The following RIT2 variants were observed in gnomAD, a reference collection of about 807,000 sequenced individuals.
RIT2 encodes Ras like without CAAX 2.
RIT2 carries 24 observed loss-of-function variants against 23.7 expected under a neutral mutation model. That is an observed-to-expected ratio of 1.01 (90% CI 0.73 to 1.43). The LOEUF is 1.43. RIT2 is among the 40% of genes most tolerant of loss of function. The probability of loss-of-function intolerance (pLI) is 0.00; values close to 1 mark genes in which losing one functional copy is unlikely to be tolerated. For synonymous variants in RIT2, 107 were observed against 91.1 expected (o/e 1.17, Z -0.99); for missense variants, 236 against 266.9 (o/e 0.88, Z 0.81).
chr18:42,809,241 G>A (rs1395292900), intron 4 of RIT2, among the ~76,000 whole-genome samples: 1 of 152,078 alleles, frequency 6.6e-6, no homozygotes, highest in Non-Finnish European at 1.5e-5. Context: ...GCCCTATTCA[G>A]ATTAAAAAAT....
At chr18:42,932,736 A>T (rs746085251) in intron 3 of RIT2, among the ~76,000 whole-genome samples, 1 of 152,178 alleles carries the variant, frequency 6.6e-6, no homozygotes, top group Non-Finnish European at 1.5e-5. Flanking sequence ...TAATTAAAAT[A>T]CTGCCAGCTC....
chr18:42,785,562 G>A (rs1355671493), intron 4 of RIT2, among the ~76,000 whole-genome samples: 1 of 151,720 alleles, frequency 6.6e-6, no homozygotes, highest in Non-Finnish European at 1.5e-5. Context: ...GTAAAATAAG[G>A]TAACTGAGAG....
intron 4 of RIT2, among the ~76,000 whole-genome samples, chr18:42,774,323 AG>A (rs1351394181): frequency 6.6e-6 from 1 of 152,130 alleles, no homozygotes; most frequent in Non-Finnish European, 1.5e-5. Context: ...TTTTTCAGAC[AG>A]GACCTAGCAA....
At chr18:42,910,750 A>T (rs1047767906) in intron 4 of RIT2, among the ~76,000 whole-genome samples, 12 of 152,144 alleles carry the variant, frequency 7.9e-5, no homozygotes, top group Admixed American at 3.3e-4. Flanking sequence ...CCAGTGGATT[A>T]ATTTGCCAAG....
chr18:42,875,615 T>A (rs369650337), intron 4 of RIT2, among the ~76,000 whole-genome samples: 5 of 152,008 alleles, frequency 3.3e-5, no homozygotes, highest in Non-Finnish European at 7.4e-5. Flanking sequence ...TAAAAGCATG[T>A]TTTAGGAGTT....
chr18:42,857,533 A>T (rs1212029427), intron 4 of RIT2, among the ~76,000 whole-genome samples: 1 of 152,214 alleles, frequency 6.6e-6, no homozygotes, highest in African/African-American at 2.4e-5. Flanking sequence ...ATTACTAAAA[A>T]TACCTTATTA....
At chr18:42,780,251 T>C (rs981712979) in intron 4 of RIT2, among the ~76,000 whole-genome samples, 3 of 152,070 alleles carry the variant, frequency 2.0e-5, no homozygotes, top group East Asian at 3.9e-4. Flanking sequence ...GCAGGACATC[T>C]GGAAGCAGGG....
At chr18:42,828,460 G>A (rs186995426) in intron 4 of RIT2, among the ~76,000 whole-genome samples, 1 of 152,272 alleles carries the variant, frequency 6.6e-6, no homozygotes, top group East Asian at 1.9e-4. Context: ...ATAATGCAAG[G>A]CTATTATTTA....
At chr18:43,029,833 G>C (rs1038201165) in intron 2 of RIT2, among the ~76,000 whole-genome samples, 1 of 151,984 alleles carries the variant, frequency 6.6e-6, no homozygotes, top group African/African-American at 2.4e-5. Flanking sequence ...AATTTTTCAT[G>C]AAAATTTTCT....
chr18:43,096,025 G>GA (rs898742177), intron 1 of RIT2, among the ~76,000 whole-genome samples: 22 of 151,526 alleles, frequency 1.5e-4, no homozygotes, highest in African/African-American at 5.1e-4. Flanking sequence ...ATAATTAGAA[G>GA]AAAAAAACAC....
rs931776418 is a variant in RIT2, at chr18:42,889,567, C to T, written c.426+34005G>A. On this transcript the variant is annotated intron_variant, in intron 4 of 4. Transcript: ENST00000326695. ...TATTTTAATTAACTGGGGTTTCTAA[C>T]TGAAGAAAGAAGCCAGTTTCTAAAC... Among the ~76,000 whole-genome samples, 3 of 151,948 alleles carry T rather than the reference C, an allele frequency of 2.0e-5. No homozygotes were observed. In the East Asian group the frequency reaches 5.8e-4, roughly 29 times the overall value.
chr18:43,023,865 G>C (rs1232272723), intron 2 of RIT2, among the ~76,000 whole-genome samples: 1 of 152,122 alleles, frequency 6.6e-6, no homozygotes, highest in Non-Finnish European at 1.5e-5. Flanking sequence ...TGAAAAAAAG[G>C]CATTTGAATC....
chr18:42,907,573 T>C lies in RIT2; in HGVS notation c.426+15999A>G, dbSNP rs192498733. ...GTCTCCTAATGTAATGACTAAAATG[T>C]CTGGGATGCAATAAAATTCACTGGT... On this transcript the variant is annotated intron_variant, in intron 4 of 4. Coordinates refer to ENST00000326695, the MANE Select transcript of RIT2 (RefSeq NM_002930.4). Among the ~76,000 whole-genome samples the C allele has an allele frequency of 5.3e-4, 80 of 152,160 alleles. 1 individual carries two copies. The highest frequency in any genetic ancestry group is 8.7e-4 in the Non-Finnish European group (59 of 68,032).
intron 1 of RIT2, among the ~76,000 whole-genome samples, chr18:43,100,196 C>T (rs1913649187): frequency 6.6e-6 from 1 of 151,954 alleles, no homozygotes; most frequent in Admixed American, 6.6e-5. Context: ...GCGGACAGGT[C>T]CATTGATGCG....
At chr18:43,112,623 G>T (rs539991574) in intron 1 of RIT2, among the ~76,000 whole-genome samples, 2 of 152,156 alleles carry the variant, frequency 1.3e-5, no homozygotes, top group Admixed American at 6.5e-5. Flanking sequence ...CATTTCTCAG[G>T]CCAGGCACAA....
intron 4 of RIT2, among the ~76,000 whole-genome samples, chr18:42,778,226 A>G (rs139441450): frequency 2.6e-5 from 4 of 152,328 alleles, no homozygotes; most frequent in Non-Finnish European, 4.4e-5. Context: ...CAGGAATTAC[A>G]TGCTCATTTC....
At chr18:42,868,418 A>G (rs1907530183) in intron 4 of RIT2, among the ~76,000 whole-genome samples, 1 of 152,210 alleles carries the variant, frequency 6.6e-6, no homozygotes, top group African/African-American at 2.4e-5. Context: ...CCCAAGTTTA[A>G]GCAAACTGAG....
intron 1 of RIT2, among the ~76,000 whole-genome samples, chr18:43,054,803 A>G (rs1912460947): frequency 6.6e-6 from 1 of 152,080 alleles, no homozygotes; most frequent in Admixed American, 6.6e-5. Flanking sequence ...GATTAGAATG[A>G]ATTAGTCTCA....
At chr18:42,899,674 T>G (rs998010184) in intron 4 of RIT2, among the ~76,000 whole-genome samples, 2 of 152,102 alleles carry the variant, frequency 1.3e-5, no homozygotes, top group Non-Finnish European at 2.9e-5. Context: ...CATTTCCTTC[T>G]GAAAATATGC....
Sources: allele counts gnomAD v4.1 joint callset (sites outside exome capture counted in the v4.1 genomes callset), GRCh38; gene constraint gnomAD v4.1.1; transcripts MANE v1.5; gene names NCBI Gene and HGNC (gene_info 2026-07-23, HGNC 2026-07-21).